DNAL1: variants seen among roughly 807,000 people sequenced by gnomAD.
The protein encoded by DNAL1 is dynein axonemal light chain 1, also known as chromosome 14 open reading frame 168.
DNAL1 carries 17 observed loss-of-function variants against 29.4 expected under a neutral mutation model. The observed-to-expected ratio is 0.58, with a 90% CI of 0.40 to 0.87. DNAL1 has a LOEUF of 0.87. DNAL1 is among the 40% of genes least tolerant of loss of function. DNAL1 has a pLI of 0.00. For synonymous variants in DNAL1, 78 were observed against 76.3 expected, an observed-to-expected ratio of 1.02 and a Z score of -0.12; for missense variants, 188 against 214.1, an observed-to-expected ratio of 0.88 and a Z score of 0.76.
intron 7 of DNAL1, among the ~76,000 whole-genome samples, chr14:73,693,836 C>G (rs1340555484): frequency 6.6e-6 from 1 of 152,148 alleles, no homozygotes; most frequent in African/African-American, 2.4e-5. Flanking sequence ...GATAATCTTT[C>G]TTAAATCTGG....
At chr14:73,667,515 T>C (rs1341822616) in intron 4 of DNAL1, among the ~76,000 whole-genome samples, 1 of 152,150 alleles carries the variant, frequency 6.6e-6, no homozygotes, top group Non-Finnish European at 1.5e-5. Flanking sequence ...GTTTCTTTTC[T>C]TTTTACAGGA....
chr14:73,662,049 G>T lies in DNAL1; in HGVS notation c.208+7G>T. ...GCCAACCTGAATGGCTTAAGTAAGT[G>T]ATTCACAGTAACAGATGGTTCATGG... On this transcript the variant is annotated splice_region_variant and intron_variant, in intron 4 of 7. Coordinates refer to ENST00000553645, the MANE Select transcript of DNAL1 (RefSeq NM_031427.4). 1.3e-6 allele frequency: 2 copies of T among 1,553,308 alleles called. No homozygotes were observed. The highest frequency in any genetic ancestry group is 2.4e-5 in the South Asian group (2 of 84,130).
chr14:73,652,152 C>T (rs1891126521), intron 1 of DNAL1, among the ~76,000 whole-genome samples: 2 of 152,280 alleles, frequency 1.3e-5, no homozygotes, highest in South Asian at 4.1e-4. Flanking sequence ...CCTCCCGCCT[C>T]AGCCCCTGCC....
rs115269000 is a variant in DNAL1, at chr14:73,676,065, C to T, written c.264+4468C>T. Among the ~76,000 whole-genome samples, 1,220 of 148,674 alleles carry T rather than the reference C, an allele frequency of 8.2e-3. 23 individuals carry two copies. Among genetic ancestry groups the T allele is most frequent in the African/African-American group, 0.028 (1,147 of 40,574 alleles). On this transcript the variant is annotated intron_variant, in intron 5 of 7. Transcript: ENST00000553645. ...AAAATAAAATATTTTTTTTTTGAGACGGAGTCAAAATTTTAATTCTAGGCC... is the reference window on the plus strand; with the variant it reads ...AAAATAAAATATTTTTTTTTTGAGATGGAGTCAAAATTTTAATTCTAGGCC...
chr14:73,661,939 T>G, intron 3 of DNAL1, 48 bp from the exon 4 acceptor site: 1 of 1,300,838 alleles, frequency 7.7e-7, no homozygotes, highest in Admixed American at 2.2e-5. Flanking sequence ...AATTTCTGAT[T>G]TACCATTTAC....
rs1280101704 is a variant in DNAL1, at chr14:73,689,618, G to C, written c.532+103G>C. ...GAAAAACTAAAGAAAAAATACCTCT[G>C]ATCTTCCAGGTCATTTCTATCTATG... On this transcript the variant is annotated intron_variant, in intron 7 of 7. Transcript: ENST00000553645. 6.1e-6 allele frequency: 9 copies of C among 1,477,094 alleles called. No homozygotes were observed. In the Admixed American group the frequency reaches 1.4e-4, roughly 23 times the overall value. The allele number at this position is 1,477,094 out of a possible 1,614,324, so 91.5% of individuals were successfully genotyped here.
chr14:73,653,992 A>C (rs1225485914), intron 1 of DNAL1, among the ~76,000 whole-genome samples: 1 of 152,114 alleles, frequency 6.6e-6, no homozygotes, highest in Admixed American at 6.5e-5. Context: ...TTATTGATAG[A>C]GTTCTTTTAA....
chr14:73,650,590 A>G (rs185676901), intron 1 of DNAL1, among the ~76,000 whole-genome samples: 66 of 152,314 alleles, frequency 4.3e-4, no homozygotes, highest in Middle Eastern at 3.4e-3. Context: ...TGTTTGTTAT[A>G]GAGTTTTGTT....
At position 73,693,755 on chromosome 14, in the gene DNAL1, A is replaced by G. The variant is rs184713244; in HGVS notation, c.533-2147A>G. Reference sequence around the variant, plus strand: ...CAAGGAAAATAAGCTATGGTGTTAGATATTAGGATAGAATATATCTTTTGT... The same window carrying G: ...CAAGGAAAATAAGCTATGGTGTTAGGTATTAGGATAGAATATATCTTTTGT... On this transcript the variant is annotated intron_variant, in intron 7 of 7. Transcript: ENST00000553645. Among the ~76,000 whole-genome samples, 184 of 152,218 alleles carry G rather than the reference A, an allele frequency of 1.2e-3. 1 individual carries two copies. The highest frequency in any genetic ancestry group is 3.9e-3 in the African/African-American group (163 of 41,528).
intron 5 of DNAL1, among the ~76,000 whole-genome samples, chr14:73,685,231 C>T (rs1891990124): frequency 6.6e-6 from 1 of 152,168 alleles, no homozygotes; most frequent in Admixed American, 6.5e-5. Context: ...CTCTCTTCAT[C>T]TTGTGTGTCT....
intron 5 of DNAL1, among the ~76,000 whole-genome samples, chr14:73,684,883 G>A (rs1235250830): frequency 1.3e-5 from 2 of 152,084 alleles, no homozygotes; most frequent in African/African-American, 4.8e-5. Context: ...AACAGATCGA[G>A]ACTCTGTCTC....
In DNAL1 at chr14:73,689,279, G is replaced by T. The variant is rs1427542365; in HGVS notation, c.392-96G>T. On this transcript the variant is annotated intron_variant, in intron 6 of 7. Transcript: ENST00000553645. Reference sequence around the variant, plus strand: ...GATCTCCTGATGTCGTGATCCGCCCGCCTTGTCCCCCCAAAGTTCTGGGAT... The same window carrying T: ...GATCTCCTGATGTCGTGATCCGCCCTCCTTGTCCCCCCAAAGTTCTGGGAT... 8.4e-6 allele frequency: 12 copies of T among 1,428,590 alleles called. 1 individual carries two copies. The highest frequency in any genetic ancestry group is 1.1e-5 in the Non-Finnish European group (12 of 1,050,768). 88.5% of individuals were successfully genotyped at this position (1,428,590 alleles called of 1,614,324 possible).
chr14:73,674,537 C>T lies in DNAL1; in HGVS notation c.264+2940C>T, dbSNP rs369045536. On this transcript the variant is annotated intron_variant, in intron 5 of 7. Coordinates refer to ENST00000553645, the MANE Select transcript of DNAL1 (RefSeq NM_031427.4). ...ATCACCGTATATCTAAAGCAGCTCT[C>T]TAAGCACTAATTCTTTTTGTTTTAG... Among the ~76,000 whole-genome samples, 3 of 152,162 alleles carry T rather than the reference C, an allele frequency of 2.0e-5. No individual in the cohort carries two copies. In the South Asian group the frequency reaches 6.2e-4, roughly 31 times the overall value.
rs374916869 is a variant in DNAL1 at position 73,662,034 on chromosome 14, A to G, written c.200A>G (p.Asn67Ser). 1.0e-5 allele frequency: 16 copies of G among 1,562,094 alleles called. No individual in the cohort carries two copies. Among genetic ancestry groups the G allele is most frequent in the Non-Finnish European group, 1.4e-5 (16 of 1,151,960 alleles). The stretch of plus-strand genomic sequence containing the variant: ...TGCATTGAAAAAATTGCCAACCTGA[A>G]TGGCTTAAGTAAGTGATTCACAGTA... The part of the protein sequence containing the change: ...TNCIEKIANL[N>S]GLKNLRILSL... Residue 67 changes from asparagine (N) to serine (S), a missense_variant, in exon 4 of 8, where the codon AAT becomes AGT. Transcript: ENST00000553645.
chr14:73,685,082 C>T (rs1469829497), intron 5 of DNAL1, among the ~76,000 whole-genome samples: 2 of 152,098 alleles, frequency 1.3e-5, no homozygotes, highest in Non-Finnish European at 2.9e-5. Flanking sequence ...AAGAACTTGT[C>T]CAACTTCCTC....
rs35545274 is a variant in DNAL1 at position 73,677,864 on chromosome 14, TTA to T, written c.264+6285_264+6286del. On this transcript the variant is annotated intron_variant, in intron 5 of 7. Transcript: ENST00000553645. ...GAGCCACCATGCCCGGCCCATATAT[TTA>T]TATATATATATATATATTTGTGTGT... Among the ~76,000 whole-genome samples the T allele has an allele frequency of 2.5e-3, 324 of 130,802 alleles. 2 individuals carry two copies. Among genetic ancestry groups the T allele is most frequent in the African/African-American group, 8.4e-3 (278 of 33,116 alleles). 85.8% of individuals were successfully genotyped at this position (130,802 alleles called of 152,430 possible).
chr14:73,665,605 A>G (rs1177281344), intron 4 of DNAL1, among the ~76,000 whole-genome samples: 1 of 152,066 alleles, frequency 6.6e-6, no homozygotes, highest in Non-Finnish European at 1.5e-5. Context: ...AGCCTGGCCA[A>G]TGTGGTGAAA....
At chr14:73,691,394 A>T (rs1484175488) in intron 7 of DNAL1, among the ~76,000 whole-genome samples, 5 of 151,952 alleles carry the variant, frequency 3.3e-5, no homozygotes. Flanking sequence ...TAGTAAAAAT[A>T]CAAAATTAGC....
rs1487458560 is a variant in DNAL1 at position 73,661,982 on chromosome 14, T to C, written c.153-5T>C. The C allele has an allele frequency of 1.9e-6, 3 of 1,539,184 alleles. No individual in the cohort carries two copies. The highest frequency in any genetic ancestry group is 2.6e-6 in the Non-Finnish European group (3 of 1,143,178). On this transcript the variant is annotated splice_region_variant and splice_polypyrimidine_tract_variant and intron_variant, in intron 3 of 7. Transcript: ENST00000553645. ...ACATTAAATTTTTTCTTTGTTCTTT[T>C]AAAGGAAGCTTTCACTGTCTACAAA...
Sources: gnomAD v4.1 joint callset for allele counts (sites outside exome capture counted in the v4.1 genomes callset) on GRCh38, gnomAD v4.1.1 for gene constraint, MANE v1.5 for transcripts, NCBI Gene and HGNC (gene_info 2026-07-23, HGNC 2026-07-21) for gene names.